Variants in SLC29A4 observed in about 807,000 individuals in gnomAD.
SLC29A4 encodes the protein equilibrative nucleoside transporter 4.
In SLC29A4, 36 loss-of-function variants were observed where a neutral mutation model predicts 43.9. That is an observed-to-expected ratio of 0.82 (90% confidence interval 0.63 to 1.08). The LOEUF is 1.08. Ranked by LOEUF, SLC29A4 falls within the 50% of genes least tolerant of loss-of-function variation. The probability of loss-of-function intolerance (pLI) is 0.00; values close to 1 mark genes in which losing one functional copy is unlikely to be tolerated. For missense variants in SLC29A4, 869 were observed against 755.3 expected (o/e 1.15, Z -1.77); for synonymous variants, 491 against 338.0 (o/e 1.45, Z -4.97).
intron 5 of SLC29A4, among the ~76,000 whole-genome samples, chr7:5,292,170 GCA>G: frequency 6.6e-6 from 1 of 152,170 alleles, no homozygotes; most frequent in Non-Finnish European, 1.5e-5. Flanking sequence ...GAGTGCAGTG[GCA>G]TGATCATAGC....
intron 9 of SLC29A4, among the ~76,000 whole-genome samples, chr7:5,299,811 G>T (rs1786006761): frequency 6.6e-6 from 1 of 152,242 alleles, no homozygotes; most frequent in African/African-American, 2.4e-5. Context: ...AGCACTTCAG[G>T]AGGCCAGAGA....
In SLC29A4 at chr7:5,302,885, C is replaced by T. The variant is rs757464648; in HGVS notation, c.1539C>T (p.His513=). The T allele has an allele frequency of 1.2e-5, 20 of 1,604,736 alleles. No homozygotes were observed. The highest frequency in any genetic ancestry group is 4.5e-5 in the South Asian group (4 of 89,462). The part of the protein sequence containing the change: ...YCTYSLTRDA[H]GSCLHASTAN... ...CCTACAGCCTCACCCGCGACGCTCACGGCAGCTGCCTGCACGCCTCCACCG... is the reference window on the plus strand; with the variant it reads ...CCTACAGCCTCACCCGCGACGCTCATGGCAGCTGCCTGCACGCCTCCACCG... Residue 513 remains histidine (H), a synonymous_variant, in exon 11 of 11, where the codon CAC becomes CAT. Transcript: ENST00000396872.
intron 1 of SLC29A4, among the ~76,000 whole-genome samples, chr7:5,285,731 G>A (rs568632135): frequency 6.6e-6 from 1 of 152,326 alleles, no homozygotes; most frequent in South Asian, 2.1e-4. Flanking sequence ...ATCAGGATGG[G>A]CTGAGCGCAG....
intron 6 of SLC29A4, among the ~76,000 whole-genome samples, chr7:5,295,245 C>T (rs1048536347): frequency 3.3e-5 from 5 of 152,156 alleles, no homozygotes; most frequent in South Asian, 2.1e-4. Flanking sequence ...GGTAAGTCTG[C>T]GTGTGCGCGT....
Position 5,296,155 on chromosome 7 carries a change from C to A in SLC29A4, c.620-781C>A, listed in dbSNP as rs527886180. Among the ~76,000 whole-genome samples, 4 of 152,320 alleles carry A rather than the reference C, an allele frequency of 2.6e-5. No homozygotes were observed. The South Asian group carries it at 8.3e-4, about 32-fold the overall frequency. The stretch of plus-strand genomic sequence containing the variant: ...CCCAGGCTGCACTCCCGGCCCTGTC[C>A]TGCAGACCTCCGCGTCAAAGGTCCC... On this transcript the variant is annotated intron_variant, in intron 6 of 10. Transcript: ENST00000396872.
At chr7:5,294,227 C>T (rs1194266174) in intron 5 of SLC29A4, among the ~76,000 whole-genome samples, 2 of 152,108 alleles carry the variant, frequency 1.3e-5, no homozygotes, top group Non-Finnish European at 2.9e-5. Context: ...AGGTGTGAGC[C>T]ACCATGCCCA....
At chr7:5,289,183 G>T (rs1398880680) in intron 2 of SLC29A4, among the ~76,000 whole-genome samples, 1 of 152,120 alleles carries the variant, frequency 6.6e-6, no homozygotes, top group Non-Finnish European at 1.5e-5. Flanking sequence ...GAACACTTGA[G>T]CCCAGGAGTT....
chr7:5,302,163 C>G (rs1786216538), intron 10 of SLC29A4, among the ~76,000 whole-genome samples: 1 of 152,132 alleles, frequency 6.6e-6, no homozygotes, highest in Non-Finnish European at 1.5e-5. Flanking sequence ...CTTGGCCAGG[C>G]TGGTCTCGAA....
intron 4 of SLC29A4, 44 bp downstream of exon 4, chr7:5,291,281 C>A (rs557234442): frequency 1.3e-6 from 2 of 1,562,344 alleles, no homozygotes; most frequent in African/African-American, 2.7e-5. Flanking sequence ...TCATGGCTTC[C>A]ACCTGCCTGG....
chr7:5,297,722 C>T (rs1451887017), intron 7 of SLC29A4, among the ~76,000 whole-genome samples: 2 of 152,128 alleles, frequency 1.3e-5, no homozygotes, highest in Non-Finnish European at 2.9e-5. Context: ...GGGAATGTGG[C>T]GGGGCCCCCA....
intron 7 of SLC29A4, among the ~76,000 whole-genome samples, chr7:5,297,808 G>C (rs1188422669): frequency 6.6e-6 from 1 of 152,180 alleles, no homozygotes; most frequent in Non-Finnish European, 1.5e-5. Context: ...GGAGGGCCAG[G>C]GGCTTGGTTC....
chr7:5,290,256 G>T, intron 2 of SLC29A4, among the ~76,000 whole-genome samples: 1 of 152,134 alleles, frequency 6.6e-6, no homozygotes, highest in East Asian at 1.9e-4. Context: ...GTAGAGATGG[G>T]GTTTCACCGT....
rs183903514 is a variant in SLC29A4 at position 5,296,310 on chromosome 7, A to G, written c.620-626A>G. Among the ~76,000 whole-genome samples the G allele has an allele frequency of 2.6e-5, 4 of 151,344 alleles. No homozygotes were observed. The East Asian group carries it at 7.9e-4, about 30-fold the overall frequency. ...TCTTCCCACCCTGCGCCCGTGTGTC[A>G]TCGTGGCCCTACTGCGTCCTCAGAG... is the stretch of plus-strand genomic sequence containing the variant. On this transcript the variant is annotated intron_variant, in intron 6 of 10. Coordinates refer to ENST00000396872, the MANE Select transcript of SLC29A4 (RefSeq NM_153247.4).
At chr7:5,294,771 C>G (rs114512331) in intron 5 of SLC29A4, 89 bp from the exon 6 acceptor site, 4 of 1,358,342 alleles carry the variant, frequency 2.9e-6, no homozygotes, top group Non-Finnish European at 4.2e-6. Flanking sequence ...TACGCACCCT[C>G]GTCCACCAAC....
intron 1 of SLC29A4, among the ~76,000 whole-genome samples, chr7:5,287,429 A>G (rs60317203): frequency 3.3e-5 from 5 of 151,590 alleles, no homozygotes; most frequent in Non-Finnish European, 7.4e-5. Flanking sequence ...AAAAAAAAAA[A>G]AAAGAAAAAA....
intron 5 of SLC29A4, among the ~76,000 whole-genome samples, chr7:5,294,311 C>G (rs184953063): frequency 6.6e-6 from 1 of 152,212 alleles, no homozygotes; most frequent in Non-Finnish European, 1.5e-5. Context: ...TGCTAGACTC[C>G]AAGGTAGGGG....
intron 1 of SLC29A4, among the ~76,000 whole-genome samples, chr7:5,283,643 C>G (rs1380046728): frequency 6.6e-6 from 1 of 152,152 alleles, no homozygotes; most frequent in East Asian, 1.9e-4. Context: ...CATCGGTCCC[C>G]GGGGGGCTGC....
At chr7:5,292,979 G>T (rs1785405271) in intron 5 of SLC29A4, among the ~76,000 whole-genome samples, 1 of 150,676 alleles carries the variant, frequency 6.6e-6, no homozygotes, top group Non-Finnish European at 1.5e-5. Context: ...TATTACAGGC[G>T]TGAGCCACCG....
At position 5,297,241 on chromosome 7, in the gene SLC29A4, T is replaced by TCTCTGTCCCCAC. The variant is rs781452695; in HGVS notation, c.882+45_882+56dup. On this transcript the variant is annotated intron_variant, in intron 7 of 10. Coordinates refer to ENST00000396872, the MANE Select transcript of SLC29A4 (RefSeq NM_153247.4). ...ACCTCTGTTCCCTTCTCTGTCCCCT[T>TCTCTGTCCCCAC]CTCTGTCCCCACCGCTTCGTCGGGA... 1.4e-5 allele frequency: 20 copies of TCTCTGTCCCCAC among 1,399,586 alleles called. No individual in the cohort carries two copies. The East Asian group carries it at 4.9e-4, about 34-fold the overall frequency. The allele number at this position is 1,399,586 out of a possible 1,614,324, so 86.7% of individuals were successfully genotyped here.
Sources: allele counts gnomAD v4.1 joint callset (sites outside exome capture counted in the v4.1 genomes callset), GRCh38; gene constraint gnomAD v4.1.1; transcripts MANE v1.5; gene names NCBI Gene and HGNC (gene_info 2026-07-23, HGNC 2026-07-21).